NRG3: variants seen among roughly 807,000 people sequenced by gnomAD.
The protein encoded by NRG3 is pro-neuregulin-3, membrane-bound isoform.
A neutral mutation model predicts 66.9 loss-of-function variants in NRG3; 31 were observed. That is an observed-to-expected ratio of 0.46 (90% CI 0.35 to 0.63). The LOEUF is 0.63. NRG3 is among the 20% of genes least tolerant of loss of function. The pLI is 0.00. For missense variants in NRG3, 910 were observed against 878.9 expected, an observed-to-expected ratio of 1.04 and a Z score of -0.45; for synonymous variants, 393 against 359.4, an observed-to-expected ratio of 1.09 and a Z score of -1.06.
intron 3 of NRG3, among the ~76,000 whole-genome samples, chr10:82,756,460 A>G (rs956765048): frequency 1.3e-5 from 2 of 152,128 alleles, no homozygotes; most frequent in African/African-American, 2.4e-5. Context: ...GTCAGATAAT[A>G]TATTCTCCTT....
At chr10:82,897,958 A>C (rs1232201200) in intron 4 of NRG3, among the ~76,000 whole-genome samples, 1 of 151,932 alleles carries the variant, frequency 6.6e-6, no homozygotes, top group African/African-American at 2.4e-5. Context: ...TTCACTTAGC[A>C]CTTACTATAA....
chr10:82,844,830 T>C (rs956910067), intron 3 of NRG3, among the ~76,000 whole-genome samples: 1 of 152,142 alleles, frequency 6.6e-6, no homozygotes, highest in Admixed American at 6.6e-5. Context: ...CTTCTATTTC[T>C]CAAATTTCAA....
intron 1 of NRG3, among the ~76,000 whole-genome samples, chr10:82,233,163 G>A (rs1294867008): frequency 6.6e-6 from 1 of 152,142 alleles, no homozygotes; most frequent in Non-Finnish European, 1.5e-5. Flanking sequence ...AGGAGATCAA[G>A]ACCATCCTGG....
At chr10:82,718,373 G>A (rs1565235732) in intron 2 of NRG3, among the ~76,000 whole-genome samples, 1 of 152,174 alleles carries the variant, frequency 6.6e-6, no homozygotes. Flanking sequence ...TCATATTTGT[G>A]ATTCTGATTA....
intron 1 of NRG3, among the ~76,000 whole-genome samples, chr10:82,167,679 G>A (rs2072200368): frequency 6.6e-6 from 1 of 151,830 alleles, no homozygotes; most frequent in South Asian, 2.1e-4. Flanking sequence ...AAGTTCTTTT[G>A]GGTTTATCAT....
At chr10:82,509,888 G>A (rs111813717) in intron 2 of NRG3, among the ~76,000 whole-genome samples, 1 of 152,026 alleles carries the variant, frequency 6.6e-6, no homozygotes, top group Admixed American at 6.6e-5. Context: ...CTACCATTCT[G>A]TACTGTGCAT....
chr10:82,459,246 T>TTGCATTGCTG (rs1182443846), intron 2 of NRG3, among the ~76,000 whole-genome samples: 1 of 152,222 alleles, frequency 6.6e-6, no homozygotes, highest in Non-Finnish European at 1.5e-5. Context: ...AGCCTTTACC[T>TTGCATTGCTG]TGCATTGCTG....
intron 1 of NRG3, among the ~76,000 whole-genome samples, chr10:82,330,375 C>A (rs1235442629): frequency 1.4e-5 from 2 of 146,626 alleles, no homozygotes; most frequent in Non-Finnish European, 3.0e-5. Context: ...ATATGTTTTT[C>A]TCTCTATTTG....
intron 1 of NRG3, among the ~76,000 whole-genome samples, chr10:82,206,468 G>A (rs1462104716): frequency 6.6e-6 from 1 of 152,162 alleles, no homozygotes; most frequent in African/African-American, 2.4e-5. Flanking sequence ...AGACCCTTCT[G>A]ATCCTCAAGC....
At chr10:82,162,623 A>G (rs897379073) in intron 1 of NRG3, among the ~76,000 whole-genome samples, 1 of 152,162 alleles carries the variant, frequency 6.6e-6, no homozygotes, top group Non-Finnish European at 1.5e-5. Context: ...AATACATTGA[A>G]GTGTCAAGTG....
At chr10:82,398,089 G>C (rs1314938821) in intron 2 of NRG3, among the ~76,000 whole-genome samples, 1 of 152,190 alleles carries the variant, frequency 6.6e-6, no homozygotes, top group Non-Finnish European at 1.5e-5. Context: ...GCAACAGTCA[G>C]AGTGCCAGAC....
intron 2 of NRG3, among the ~76,000 whole-genome samples, chr10:82,495,385 C>T (rs1843526111): frequency 6.6e-6 from 1 of 152,082 alleles, no homozygotes; most frequent in African/African-American, 2.4e-5. Context: ...ATTTTAATCT[C>T]AGATCTTACA....
intron 2 of NRG3, among the ~76,000 whole-genome samples, chr10:82,679,685 A>C (rs188182240): frequency 1.8e-3 from 272 of 152,270 alleles, no homozygotes; most frequent in Non-Finnish European, 3.2e-3. Flanking sequence ...CAAATACCCA[A>C]GTGACATATC....
intron 2 of NRG3, among the ~76,000 whole-genome samples, chr10:82,567,028 T>C (rs543266389): frequency 6.6e-6 from 1 of 152,086 alleles, no homozygotes; most frequent in African/African-American, 2.4e-5. Context: ...ACCTGAAGGA[T>C]CCACGCTGTT....
At chr10:82,140,791 C>A (rs2069719418) in intron 1 of NRG3, among the ~76,000 whole-genome samples, 2 of 152,048 alleles carry the variant, frequency 1.3e-5, no homozygotes, top group Admixed American at 6.6e-5. Flanking sequence ...TAATCTGTGT[C>A]TTGGCACGAA....
In NRG3 at chr10:82,051,652, A is replaced by G. The variant is rs2063597621; in HGVS notation, c.823+175489A>G. 2.0e-5 allele frequency among the ~76,000 whole-genome samples: 3 copies of G among 152,314 alleles called. No homozygotes were observed. The South Asian group carries it at 6.2e-4, about 32-fold the overall frequency. ...CAGATTGATGTAGTTCATTTTAACC[A>G]CCTTGTGTATGAAGGATGAAAAATG... On this transcript the variant is annotated intron_variant, in intron 1 of 8. Coordinates refer to ENST00000372141, the MANE Select transcript of NRG3 (RefSeq NM_001010848.4).
intron 2 of NRG3, among the ~76,000 whole-genome samples, chr10:82,650,913 A>G (rs552840524): frequency 6.6e-6 from 1 of 152,282 alleles, no homozygotes; most frequent in East Asian, 1.9e-4. Context: ...ACATTTCATC[A>G]AGTGATTTTG....
chr10:81,894,186 C>T (rs1843297130), intron 1 of NRG3, among the ~76,000 whole-genome samples: 1 of 151,958 alleles, frequency 6.6e-6, no homozygotes, highest in Non-Finnish European at 1.5e-5. Flanking sequence ...ACTAAAAATA[C>T]AAAAATTAGC....
At position 82,017,108 on chromosome 10, in the gene NRG3, C is replaced by T. The variant is rs777633937; in HGVS notation, c.823+140945C>T. On this transcript the variant is annotated intron_variant, in intron 1 of 8. Coordinates refer to ENST00000372141, the MANE Select transcript of NRG3 (RefSeq NM_001010848.4). ...CCTCTCCCCACCCCACAACAGGCCC[C>T]GGTGTGTGATGTTCCCCTTCCTGTG... 1.6e-4 allele frequency among the ~76,000 whole-genome samples: 24 copies of T among 152,052 alleles called. 1 individual carries two copies. The highest frequency in any genetic ancestry group is 9.2e-4 in the Admixed American group (14 of 15,256).
Sources: gnomAD v4.1 joint callset for allele counts (sites outside exome capture counted in the v4.1 genomes callset) on GRCh38, gnomAD v4.1.1 for gene constraint, MANE v1.5 for transcripts, NCBI Gene and HGNC (gene_info 2026-07-23, HGNC 2026-07-21) for gene names.